The following MAPK10 variants were observed in gnomAD, a reference collection of about 807,000 sequenced individuals.
The protein encoded by MAPK10 is JNK3 alpha protein kinase.
Under a neutral mutation model 59.3 loss-of-function variants are expected in MAPK10, and 25 were observed. That is an observed-to-expected ratio of 0.42 (90% CI 0.31 to 0.59). The LOEUF is 0.59. Ranked by LOEUF, MAPK10 falls within the 20% of genes least tolerant of loss-of-function variation. The pLI is 0.15. For synonymous variants in MAPK10, 190 were observed against 200.5 expected, an observed-to-expected ratio of 0.95 and a Z score of 0.44; for missense variants, 351 against 568.9, an observed-to-expected ratio of 0.62 and a Z score of 3.90.
intron 2 of MAPK10, among the ~76,000 whole-genome samples, chr4:86,203,442 T>C (rs2149335564): frequency 6.6e-6 from 1 of 151,742 alleles, no homozygotes; most frequent in African/African-American, 2.4e-5. Flanking sequence ...GCTTCACAAA[T>C]GCAAAAATCA....
intron 2 of MAPK10, among the ~76,000 whole-genome samples, chr4:86,195,955 A>G (rs1476679989): frequency 6.6e-6 from 1 of 152,164 alleles, no homozygotes; most frequent in Non-Finnish European, 1.5e-5. Flanking sequence ...TATTTTCTTC[A>G]TCTAGTCTAT....
At chr4:86,050,055 C>T (rs561937882) in intron 11 of MAPK10, among the ~76,000 whole-genome samples, 27 of 152,042 alleles carry the variant, frequency 1.8e-4, no homozygotes, top group South Asian at 6.2e-4. Flanking sequence ...CAGGTGTGTC[C>T]TGGTTCATCT....
intron 1 of MAPK10, among the ~76,000 whole-genome samples, chr4:86,485,316 A>G (rs914277222): frequency 1.3e-5 from 2 of 152,140 alleles, no homozygotes; most frequent in South Asian, 2.1e-4. Context: ...TGTAATTTTT[A>G]CATGTTTAAA....
intron 1 of MAPK10, among the ~76,000 whole-genome samples, chr4:86,564,830 A>G (rs1760940991): frequency 6.6e-6 from 1 of 152,082 alleles, no homozygotes; most frequent in Non-Finnish European, 1.5e-5. Flanking sequence ...ATCTCAAGCT[A>G]CTCTGGAGAG....
At chr4:86,229,184 A>G (rs2091154247) in intron 2 of MAPK10, among the ~76,000 whole-genome samples, 2 of 152,196 alleles carry the variant, frequency 1.3e-5, no homozygotes, top group Admixed American at 1.3e-4. Context: ...TCTAGGGTCC[A>G]CATGAAGTTT....
At chr4:86,316,349 A>T (rs574848504) in intron 2 of MAPK10, among the ~76,000 whole-genome samples, 24 of 152,326 alleles carry the variant, frequency 1.6e-4, no homozygotes, top group Non-Finnish European at 2.9e-4. Flanking sequence ...CAAACAACTT[A>T]AAACCAACTT....
At chr4:86,076,826 C>T (rs1368299721) in intron 9 of MAPK10, among the ~76,000 whole-genome samples, 2 of 151,942 alleles carry the variant, frequency 1.3e-5, no homozygotes, top group East Asian at 3.9e-4. Context: ...AAAGAATGAC[C>T]AAAACCATTT....
chr4:86,215,187 CT>C (rs1356284394), intron 2 of MAPK10, among the ~76,000 whole-genome samples: 2 of 152,186 alleles, frequency 1.3e-5, no homozygotes, highest in African/African-American at 4.8e-5. Flanking sequence ...ACAAACAGTA[CT>C]GGGAAAACTG....
intron 1 of MAPK10, among the ~76,000 whole-genome samples, chr4:86,397,793 G>A (rs1365054351): frequency 7.1e-6 from 1 of 141,460 alleles, no homozygotes; most frequent in Admixed American, 7.5e-5. Flanking sequence ...AGGAAAGATG[G>A]AACTAGTTTG....
intron 9 of MAPK10, among the ~76,000 whole-genome samples, chr4:86,072,406 C>T (rs914648685): frequency 6.8e-6 from 1 of 146,440 alleles, no homozygotes; most frequent in Admixed American, 6.8e-5. Flanking sequence ...TCTAATTGCC[C>T]TGGCCAGAAC....
At chr4:86,043,956 C>A (rs1021135736) in intron 11 of MAPK10, among the ~76,000 whole-genome samples, 3 of 152,158 alleles carry the variant, frequency 2.0e-5, no homozygotes, top group Non-Finnish European at 4.4e-5. Context: ...TAACTGAATA[C>A]AATGTCTGTG....
At chr4:86,238,697 G>C (rs1321684536) in intron 2 of MAPK10, among the ~76,000 whole-genome samples, 1 of 152,162 alleles carries the variant, frequency 6.6e-6, no homozygotes, top group Non-Finnish European at 1.5e-5. Context: ...CATTGATTTT[G>C]TATCCTGAGA....
At chr4:86,218,603 AT>A (rs2088549008) in intron 2 of MAPK10, among the ~76,000 whole-genome samples, 2 of 150,818 alleles carry the variant, frequency 1.3e-5, no homozygotes, top group Non-Finnish European at 3.0e-5. Flanking sequence ...TGGGCAATTA[AT>A]TTAAAAGGCA....
intron 1 of MAPK10, among the ~76,000 whole-genome samples, chr4:86,530,403 A>G (rs561770347): frequency 6.6e-6 from 1 of 152,326 alleles, no homozygotes; most frequent in Non-Finnish European, 1.5e-5. Context: ...TTTCCATTTC[A>G]TAGGTAAAGC....
chr4:86,310,923 G>A (rs1041557662), intron 2 of MAPK10, among the ~76,000 whole-genome samples: 22 of 151,938 alleles, frequency 1.4e-4, no homozygotes, highest in Non-Finnish European at 3.1e-4. Flanking sequence ...TTACTTTTAA[G>A]ATGGGCTGTT....
chr4:86,209,542 A>T (rs2085192042), intron 2 of MAPK10, among the ~76,000 whole-genome samples: 1 of 152,118 alleles, frequency 6.6e-6, no homozygotes, highest in Non-Finnish European at 1.5e-5. Context: ...AAACGATGGG[A>T]TAGAAGGAGA....
chr4:86,379,292 T>C (rs546820522), intron 1 of MAPK10, among the ~76,000 whole-genome samples: 4 of 152,294 alleles, frequency 2.6e-5, no homozygotes, highest in African/African-American at 9.6e-5. Context: ...CATTTCTATA[T>C]TGTAGAAATC....
At chr4:86,402,967 T>A (rs973487653) in intron 1 of MAPK10, among the ~76,000 whole-genome samples, 1 of 152,088 alleles carries the variant, frequency 6.6e-6, no homozygotes, top group Non-Finnish European at 1.5e-5. Context: ...AATTTTGCAA[T>A]CACATTGTCA....
At chr4:86,106,958 A>G (rs1055791677) in intron 5 of MAPK10, 2 of 207,524 alleles carry the variant, frequency 9.6e-6, no homozygotes, top group African/African-American at 4.6e-5. Context: ...ATTTGGAGCA[A>G]GATAACCAAA....
Sources: gnomAD v4.1 joint callset for allele counts (sites outside exome capture counted in the v4.1 genomes callset) on GRCh38, gnomAD v4.1.1 for gene constraint, MANE v1.5 for transcripts, NCBI Gene and HGNC (gene_info 2026-07-23, HGNC 2026-07-21) for gene names.